Variants in ERBB4 observed in about 807,000 individuals in gnomAD.
ERBB4 encodes receptor tyrosine-protein kinase erbB-4.
In ERBB4, 42 loss-of-function variants were observed where a neutral mutation model predicts 158.0. That is an observed-to-expected ratio of 0.27 (90% CI 0.21 to 0.34). ERBB4 has a LOEUF of 0.34. Ranked by LOEUF, ERBB4 falls within the 10% of genes least tolerant of loss-of-function variation. The probability of loss-of-function intolerance (pLI) is 1.00; values close to 1 mark genes in which losing one functional copy is unlikely to be tolerated. For synonymous variants in ERBB4, 583 were observed against 558.7 expected (o/e 1.04, Z -0.61); for missense variants, 1,333 against 1,624.1 (o/e 0.82, Z 3.08).
chr2:211,660,951 T>G (rs2071401717), intron 15 of ERBB4, among the ~76,000 whole-genome samples: 1 of 152,190 alleles, frequency 6.6e-6, no homozygotes, highest in South Asian at 2.1e-4. Context: ...AAAATAACTC[T>G]TAAGATAATT....
Position 211,475,962 on chromosome 2 carries a change from A to G in ERBB4, c.2488-44862T>C, listed in dbSNP as rs565615415. Among the ~76,000 whole-genome samples the G allele has an allele frequency of 2.6e-5, 4 of 152,288 alleles. No homozygotes were observed. The South Asian group carries it at 8.3e-4, about 32-fold the overall frequency. The stretch of plus-strand genomic sequence containing the variant: ...ACAAAATAACTACACGATCAATTCC[A>G]TCAAGAAAAATAACAAATATAAAAA... On this transcript the variant is annotated intron_variant, in intron 20 of 27. Transcript: ENST00000342788.
At chr2:211,881,257 G>A (rs1023972827) in intron 3 of ERBB4, among the ~76,000 whole-genome samples, 8 of 152,214 alleles carry the variant, frequency 5.3e-5, no homozygotes, top group African/African-American at 1.7e-4. Context: ...AAAGGTCATG[G>A]TGATACAGGC....
intron 1 of ERBB4, among the ~76,000 whole-genome samples, chr2:212,407,919 T>C (rs777440905): frequency 6.6e-6 from 1 of 151,978 alleles, no homozygotes; most frequent in Non-Finnish European, 1.5e-5. Flanking sequence ...TAGTAAAAAT[T>C]TGAAAATTTA....
intron 3 of ERBB4, among the ~76,000 whole-genome samples, chr2:211,826,272 G>A (rs2105956441): frequency 6.6e-6 from 1 of 151,724 alleles, no homozygotes; most frequent in African/African-American, 2.4e-5. Flanking sequence ...CATATTGATT[G>A]AATGCCTGCT....
intron 20 of ERBB4, among the ~76,000 whole-genome samples, chr2:211,478,203 C>T (rs1184406408): frequency 6.6e-6 from 1 of 152,138 alleles, no homozygotes; most frequent in Non-Finnish European, 1.5e-5. Context: ...ACAGCACTAT[C>T]TATACCAGAA....
chr2:212,292,303 T>C (rs999657699), intron 1 of ERBB4, among the ~76,000 whole-genome samples: 1 of 151,966 alleles, frequency 6.6e-6, no homozygotes, highest in African/African-American at 2.4e-5. Context: ...AACCTTTTCA[T>C]CTTATACATA....
chr2:211,857,752 G>A (rs1020151637), intron 3 of ERBB4, among the ~76,000 whole-genome samples: 1 of 152,166 alleles, frequency 6.6e-6, no homozygotes, highest in South Asian at 2.1e-4. Flanking sequence ...AGGTATACAT[G>A]AGATTATAGG....
At chr2:211,986,173 C>T (rs948463876) in intron 2 of ERBB4, among the ~76,000 whole-genome samples, 2 of 152,156 alleles carry the variant, frequency 1.3e-5, no homozygotes, top group Non-Finnish European at 2.9e-5. Flanking sequence ...AGACCTGGAA[C>T]AGATTCTTTC....
At chr2:212,465,850 C>A (rs887744616) in intron 1 of ERBB4, among the ~76,000 whole-genome samples, 1 of 152,144 alleles carries the variant, frequency 6.6e-6, no homozygotes, top group Non-Finnish European at 1.5e-5. Flanking sequence ...TTGCTACAAA[C>A]AAACTTCGAA....
intron 3 of ERBB4, among the ~76,000 whole-genome samples, chr2:211,799,328 T>G (rs1325925968): frequency 6.6e-6 from 1 of 152,230 alleles, no homozygotes; most frequent in South Asian, 2.1e-4. Context: ...TGTATTACCA[T>G]GTCTTCTAAA....
intron 1 of ERBB4, among the ~76,000 whole-genome samples, chr2:212,313,191 T>G (rs1328514702): frequency 6.6e-6 from 1 of 150,894 alleles, no homozygotes; most frequent in African/African-American, 2.4e-5. Context: ...AACATATTTT[T>G]GTTATGCATA....
At chr2:211,530,236 T>C (rs1212862224) in intron 20 of ERBB4, among the ~76,000 whole-genome samples, 1 of 152,038 alleles carries the variant, frequency 6.6e-6, no homozygotes, top group Non-Finnish European at 1.5e-5. Flanking sequence ...ATTAAGAAAG[T>C]AATCACATTT....
chr2:212,140,051 A>G (rs1215008336), intron 1 of ERBB4, among the ~76,000 whole-genome samples: 1 of 151,876 alleles, frequency 6.6e-6, no homozygotes, highest in Non-Finnish European at 1.5e-5. Context: ...CCACCTGATT[A>G]TAACTTGTAA....
chr2:212,047,639 ATT>A lies in ERBB4; in HGVS notation c.234+77111_234+77112del, dbSNP rs377248079. Among the ~76,000 whole-genome samples the A allele has an allele frequency of 3.1e-3, 417 of 135,538 alleles. 2 individuals carry two copies. The highest frequency in any genetic ancestry group is 0.01 in the African/African-American group (384 of 36,796). 88.9% of individuals were successfully genotyped at this position (135,538 alleles called of 152,430 possible). A position where few individuals can be genotyped will look rare whatever the true frequency, so the allele number is the denominator to read the frequency against. ...AGGTACCCACCACCACACTTGGCTAATTTTTTTTTTTTTTTTTGTATTTTAGT... is the reference window on the plus strand; with the variant it reads ...AGGTACCCACCACCACACTTGGCTAATTTTTTTTTTTTTTTGTATTTTAGT... On this transcript the variant is annotated intron_variant, in intron 2 of 27. Coordinates refer to ENST00000342788, the MANE Select transcript of ERBB4 (RefSeq NM_005235.3).
At chr2:211,715,682 CCT>C (rs1246351147) in intron 7 of ERBB4, among the ~76,000 whole-genome samples, 1 of 152,114 alleles carries the variant, frequency 6.6e-6, no homozygotes, top group Non-Finnish European at 1.5e-5. Context: ...ACACCTCCTG[CCT>C]CTCTCTTCCT....
Position 211,581,455 on chromosome 2 carries a change from G to A in ERBB4, c.2302-19367C>T, listed in dbSNP as rs145094358. Reference sequence around the variant, plus strand: ...ATATAGGAAGTACATCTACCTGCCTGCTCACCTCTTCAAGCCTATGCTTAC... The same window carrying A: ...ATATAGGAAGTACATCTACCTGCCTACTCACCTCTTCAAGCCTATGCTTAC... On this transcript the variant is annotated intron_variant, in intron 19 of 27. Transcript: ENST00000342788. 5.1e-3 allele frequency among the ~76,000 whole-genome samples: 779 copies of A among 152,210 alleles called. 7 individuals carry two copies. Among genetic ancestry groups the A allele is most frequent in the African/African-American group, 0.018 (741 of 41,546 alleles).
At chr2:211,889,232 TCCCTGAC>T (rs2078896747) in intron 3 of ERBB4, among the ~76,000 whole-genome samples, 1 of 144,332 alleles carries the variant, frequency 6.9e-6, no homozygotes, top group South Asian at 2.1e-4. Flanking sequence ...CTCAAGTGGG[TCCCTGAC>T]CCCTGACCCC....
At chr2:211,548,789 C>A (rs2067006534) in intron 20 of ERBB4, among the ~76,000 whole-genome samples, 1 of 152,030 alleles carries the variant, frequency 6.6e-6, no homozygotes, top group Non-Finnish European at 1.5e-5. Context: ...TCCATGAAGC[C>A]CTGTCTACAC....
chr2:211,518,072 T>C (rs1046208146), intron 20 of ERBB4, among the ~76,000 whole-genome samples: 4 of 152,116 alleles, frequency 2.6e-5, no homozygotes, highest in Admixed American at 2.6e-4. Context: ...ATTCCTCATA[T>C]TCCTCATATT....
Sources: gnomAD v4.1 joint callset for allele counts (sites outside exome capture counted in the v4.1 genomes callset) on GRCh38, gnomAD v4.1.1 for gene constraint, MANE v1.5 for transcripts, NCBI Gene and HGNC (gene_info 2026-07-23, HGNC 2026-07-21) for gene names.